Variants in CCDC179 observed in about 807,000 individuals in gnomAD.
CCDC179 encodes coiled-coil domain-containing protein 179.
In CCDC179, 17 loss-of-function variants were observed where a neutral mutation model predicts 12.0. The observed-to-expected ratio is 1.42, with a 90% CI of 0.97 to 2.13. The LOEUF is 2.13. Ranked by LOEUF, CCDC179 falls within the 30% of genes most tolerant of loss-of-function variation. The pLI is 0.00. For missense variants in CCDC179, 83 were observed against 78.6 expected (o/e 1.06, Z -0.21); for synonymous variants, 27 against 26.4 (o/e 1.02, Z -0.07).
intron 1 of CCDC179, among the ~76,000 whole-genome samples, chr11:22,860,158 A>C (rs922415898): frequency 8.5e-5 from 13 of 152,190 alleles, no homozygotes; most frequent in African/African-American, 3.1e-4. Context: ...CAGGTGATGT[A>C]CCTGACCCCT....
intron 3 of CCDC179, 98 bp downstream of exon 3, chr11:22,857,824 G>T (rs969757461): frequency 3.5e-5 from 20 of 570,388 alleles, no homozygotes; most frequent in Non-Finnish European, 4.4e-5. Flanking sequence ...CAAAGAGAAA[G>T]GGAAAAAGAA....
At chr11:22,850,108 C>T (rs1184853624) in intron 3 of CCDC179, among the ~76,000 whole-genome samples, 1 of 152,198 alleles carries the variant, frequency 6.6e-6, no homozygotes, top group African/African-American at 2.4e-5. Flanking sequence ...TTGCCATCTT[C>T]TCTGCTTCTT....
chr11:22,849,149 T>C (rs1382466245), intron 3 of CCDC179, among the ~76,000 whole-genome samples: 1 of 152,186 alleles, frequency 6.6e-6, no homozygotes, highest in Non-Finnish European at 1.5e-5. Context: ...CCTTTTAGTA[T>C]AGTTTTTTCG....
intron 2 of CCDC179, 80 bp downstream of exon 2, chr11:22,859,372 T>G (rs3213707): frequency 0.42 from 377,552 of 896,522 alleles, 83,998 homozygotes; most frequent in Non-Finnish European, 0.45. Flanking sequence ...TTCTATTATG[T>G]TAGGGACCAC....
intron 3 of CCDC179, among the ~76,000 whole-genome samples, chr11:22,848,756 A>C (rs1358478116): frequency 6.6e-6 from 1 of 152,198 alleles, no homozygotes; most frequent in Non-Finnish European, 1.5e-5. Context: ...GAAAAGGTAA[A>C]ATGAGAAGAA....
chr11:22,847,497 G>T lies in CCDC179; in HGVS notation c.*13C>A. 2 of 1,431,790 alleles carry T rather than the reference G, an allele frequency of 1.4e-6. No individual in the cohort carries two copies. The highest frequency in any genetic ancestry group is 1.9e-6 in the Non-Finnish European group (2 of 1,078,166). 88.7% of individuals were successfully genotyped at this position (1,431,790 alleles called of 1,614,324 possible). On this transcript the variant is annotated 3_prime_UTR_variant, in exon 4 of 4. Transcript: ENST00000532798. ...TCTGGAGCATGGTTTCCTTCAAATA[G>T]ACTCCTGCTTTATCAAGATGACCAC...
At chr11:22,852,034 CTAAA>C (rs776607810) in intron 3 of CCDC179, among the ~76,000 whole-genome samples, 14 of 152,068 alleles carry the variant, frequency 9.2e-5, no homozygotes, top group Non-Finnish European at 1.8e-4. Context: ...TTAGCAGAGC[CTAAA>C]TAAATTGGGT....
rs186883140 is a variant in CCDC179 at position 22,848,649 on chromosome 11, T to C, written c.196-1128A>G. Among the ~76,000 whole-genome samples the C allele has an allele frequency of 3.6e-3, 541 of 152,324 alleles. 4 individuals are homozygous for C. Among genetic ancestry groups the C allele is most frequent in the African/African-American group, 0.012 (518 of 41,564 alleles). On this transcript the variant is annotated intron_variant, in intron 3 of 3. Transcript: ENST00000532798. ...ATTGTACAAAAACTGTTATTGCATT[T>C]TTTTCTTAAAGATTGATTTAAGCAG...
intron 3 of CCDC179, among the ~76,000 whole-genome samples, chr11:22,850,737 T>C (rs1366396588): frequency 1.3e-5 from 2 of 151,504 alleles, no homozygotes; most frequent in Admixed American, 1.3e-4. Flanking sequence ...GTACTAGATA[T>C]TGAAATGACA....
intron 1 of CCDC179, 65 bp from the exon 2 acceptor site, chr11:22,859,561 AT>A: frequency 1.1e-6 from 1 of 928,356 alleles, no homozygotes; most frequent in Non-Finnish European, 1.5e-6. Context: ...TAAATTAATT[AT>A]TATAATAGGA....
At chr11:22,850,971 T>C (rs1236220664) in intron 3 of CCDC179, among the ~76,000 whole-genome samples, 9 of 17,212 alleles carry the variant, frequency 5.2e-4, no homozygotes, top group Non-Finnish European at 1.1e-3. Flanking sequence ...TATATATATA[T>C]ATATATTTTT....
intron 3 of CCDC179, among the ~76,000 whole-genome samples, chr11:22,855,882 TA>T (rs1398880815): frequency 1.3e-5 from 2 of 151,398 alleles, no homozygotes; most frequent in Admixed American, 1.3e-4. Context: ...AAAAGAATAA[TA>T]AAAGAACATA....
chr11:22,848,360 C>A (rs1243737406), intron 3 of CCDC179, among the ~76,000 whole-genome samples: 3 of 152,058 alleles, frequency 2.0e-5, no homozygotes, highest in African/African-American at 4.8e-5. Context: ...AGGAGAATTG[C>A]TTGAGCCCGG....
Position 22,849,943 on chromosome 11 carries a change from G to A in CCDC179, c.196-2422C>T, listed in dbSNP as rs577606535. ...CTGAGAGGAAAGACGGGCCGGTGGT[G>A]GAGGCGACAGATTTTATAGTCAGGC... is the stretch of plus-strand genomic sequence containing the variant. On this transcript the variant is annotated intron_variant, in intron 3 of 3. Coordinates refer to ENST00000532798, the MANE Select transcript of CCDC179 (RefSeq NM_001195637.2). 3.0e-3 allele frequency among the ~76,000 whole-genome samples: 460 copies of A among 152,198 alleles called. 2 individuals are homozygous for A. Among genetic ancestry groups the A allele is most frequent in the African/African-American group, 0.011 (442 of 41,522 alleles).
intron 3 of CCDC179, among the ~76,000 whole-genome samples, chr11:22,849,383 G>T (rs547789197): frequency 6.6e-6 from 1 of 152,074 alleles, no homozygotes; most frequent in Non-Finnish European, 1.5e-5. Flanking sequence ...TTACTTATTT[G>T]TGAAACATTT....
chr11:22,853,803 AAT>A (rs1212510510), intron 3 of CCDC179, among the ~76,000 whole-genome samples: 6 of 152,006 alleles, frequency 3.9e-5, no homozygotes, highest in Admixed American at 6.5e-5. Flanking sequence ...TTCTAAAGTT[AAT>A]GATAGACAAC....
intron 3 of CCDC179, among the ~76,000 whole-genome samples, chr11:22,857,637 G>A (rs1858557848): frequency 6.6e-6 from 1 of 151,700 alleles, no homozygotes; most frequent in South Asian, 2.1e-4. Context: ...AAAGATTTAA[G>A]TGATTAACCT....
At chr11:22,848,959 A>G (rs1221223402) in intron 3 of CCDC179, among the ~76,000 whole-genome samples, 1 of 152,224 alleles carries the variant, frequency 6.6e-6, no homozygotes, top group African/African-American at 2.4e-5. Flanking sequence ...TTTGAAAATT[A>G]AAATGAAATG....
rs1858614246 is a variant in CCDC179 at position 22,859,568 on chromosome 11, T to C, written c.46-72A>G. ...AAAAACAGTAAATTAATTATTATAA[T>C]AGGAAGCCTATGCTACTTTTAAATT... On this transcript the variant is annotated intron_variant, in intron 1 of 3. Transcript: ENST00000532798. 1.2e-5 allele frequency: 10 copies of C among 845,420 alleles called. No homozygotes were observed. In the East Asian group the frequency reaches 1.2e-4, roughly 10 times the overall value. The allele number at this position is 845,420 out of a possible 1,614,324, so 52.4% of individuals were successfully genotyped here.
Sources: gnomAD v4.1 joint callset for allele counts (sites outside exome capture counted in the v4.1 genomes callset) on GRCh38, gnomAD v4.1.1 for gene constraint, MANE v1.5 for transcripts, NCBI Gene and HGNC (gene_info 2026-07-23, HGNC 2026-07-21) for gene names.